The following CTNNA3 variants were observed in gnomAD, a reference collection of about 807,000 sequenced individuals.
CTNNA3 encodes the protein catenin alpha-3.
A neutral mutation model predicts 95.7 loss-of-function variants in CTNNA3; 76 were observed. The observed-to-expected ratio is 0.79, with a 90% CI of 0.66 to 0.96. CTNNA3 has a LOEUF of 0.96. CTNNA3 is among the 40% of genes least tolerant of loss of function. The pLI is 0.00. For synonymous variants in CTNNA3, 431 were observed against 374.4 expected, an observed-to-expected ratio of 1.15 and a Z score of -1.74; for missense variants, 1,191 against 1,089.8, an observed-to-expected ratio of 1.09 and a Z score of -1.31.
intron 13 of CTNNA3, among the ~76,000 whole-genome samples, chr10:66,243,425 C>A (rs1272056592): frequency 6.6e-6 from 1 of 152,190 alleles, no homozygotes. Flanking sequence ...CTGGAAACTT[C>A]ATATGCATAA....
chr10:66,668,519 A>G (rs953181472), intron 9 of CTNNA3, among the ~76,000 whole-genome samples: 1 of 151,930 alleles, frequency 6.6e-6, no homozygotes, highest in Non-Finnish European at 1.5e-5. Flanking sequence ...AATCTTATAT[A>G]TAAAATATAT....
intron 12 of CTNNA3, among the ~76,000 whole-genome samples, chr10:66,364,977 T>G (rs1466038127): frequency 6.6e-6 from 1 of 152,146 alleles, no homozygotes; most frequent in African/African-American, 2.4e-5. Context: ...TAAGGATCCC[T>G]GGTAAGATGT....
intron 3 of CTNNA3, among the ~76,000 whole-genome samples, chr10:67,542,263 A>AC (rs917185096): frequency 5.3e-5 from 8 of 151,484 alleles, no homozygotes; most frequent in African/African-American, 1.2e-4. Flanking sequence ...GGAAGCTTGG[A>AC]CCCCCCATTA....
In CTNNA3 at chr10:67,553,871, T is replaced by C. The variant is rs201136849; in HGVS notation, c.293-14202A>G. 9.2e-5 allele frequency among the ~76,000 whole-genome samples: 14 copies of C among 152,250 alleles called. No homozygotes were observed. The East Asian group carries it at 1.5e-3, about 17-fold the overall frequency. On this transcript the variant is annotated intron_variant, in intron 3 of 17. Coordinates refer to ENST00000433211, the MANE Select transcript of CTNNA3 (RefSeq NM_013266.4). ...GTGTGCTGCACCCATTAACTCATCATTTACATTAGGTATATCTCCTAATGC... is the reference window on the plus strand; with the variant it reads ...GTGTGCTGCACCCATTAACTCATCACTTACATTAGGTATATCTCCTAATGC...
At chr10:67,000,281 C>T (rs972224347) in intron 7 of CTNNA3, among the ~76,000 whole-genome samples, 2 of 152,156 alleles carry the variant, frequency 1.3e-5, no homozygotes, top group African/African-American at 4.8e-5. Context: ...ACTCCTCTTA[C>T]ATAAATAATT....
intron 7 of CTNNA3, among the ~76,000 whole-genome samples, chr10:67,173,036 T>A (rs1279035464): frequency 6.6e-6 from 1 of 152,038 alleles, no homozygotes; most frequent in Non-Finnish European, 1.5e-5. Flanking sequence ...CTCCTAATAA[T>A]TTTCTAAACA....
intron 1 of CTNNA3, among the ~76,000 whole-genome samples, chr10:67,703,661 C>T (rs1841059120): frequency 6.6e-6 from 1 of 152,140 alleles, no homozygotes; most frequent in Non-Finnish European, 1.5e-5. Flanking sequence ...AGACCCACAG[C>T]CAATATCATA....
intron 10 of CTNNA3, among the ~76,000 whole-genome samples, chr10:66,555,277 T>G (rs1842354964): frequency 6.6e-6 from 1 of 152,148 alleles, no homozygotes; most frequent in Non-Finnish European, 1.5e-5. Flanking sequence ...TTCAAATTCT[T>G]GAGATGTTGC....
At chr10:66,820,603 A>G (rs1223897565) in intron 7 of CTNNA3, among the ~76,000 whole-genome samples, 1 of 151,740 alleles carries the variant, frequency 6.6e-6, no homozygotes, top group East Asian at 2.0e-4. Context: ...AGACTGAGAG[A>G]AAAGTATATG....
At chr10:66,670,183 A>G (rs771251288) in intron 9 of CTNNA3, among the ~76,000 whole-genome samples, 52 of 152,252 alleles carry the variant, frequency 3.4e-4, no homozygotes, top group Middle Eastern at 6.8e-3. Context: ...TTGTTGCCAT[A>G]ACAAATTACC....
At chr10:66,081,181 G>C (rs946653886) in intron 14 of CTNNA3, among the ~76,000 whole-genome samples, 3 of 152,164 alleles carry the variant, frequency 2.0e-5, no homozygotes, top group African/African-American at 4.8e-5. Flanking sequence ...TGATGTAAGT[G>C]TTTGCTTGCC....
chr10:66,074,928 T>C (rs1442719306), intron 14 of CTNNA3, among the ~76,000 whole-genome samples: 1 of 151,850 alleles, frequency 6.6e-6, no homozygotes, highest in Non-Finnish European at 1.5e-5. Flanking sequence ...ACAGAAATAC[T>C]CAAGAGCTAA....
At chr10:67,372,675 C>G (rs976824415) in intron 5 of CTNNA3, among the ~76,000 whole-genome samples, 1 of 152,084 alleles carries the variant, frequency 6.6e-6, no homozygotes, top group Non-Finnish European at 1.5e-5. Flanking sequence ...ACATAATTGT[C>G]AGATTCACCA....
At chr10:66,915,192 GAA>G (rs1158486629) in intron 7 of CTNNA3, among the ~76,000 whole-genome samples, 4 of 90,234 alleles carry the variant, frequency 4.4e-5, no homozygotes, top group African/African-American at 1.1e-4. Flanking sequence ...AAAAACTAAC[GAA>G]AAAAAAAAAA....
At chr10:66,675,404 C>T (rs1428365007) in intron 9 of CTNNA3, among the ~76,000 whole-genome samples, 2 of 151,938 alleles carry the variant, frequency 1.3e-5, no homozygotes, top group Non-Finnish European at 1.5e-5. Flanking sequence ...GGTTTAACTT[C>T]CCATCCTAAA....
chr10:67,657,847 C>CAAAA (rs200763142), intron 1 of CTNNA3, among the ~76,000 whole-genome samples: 5 of 40,300 alleles, frequency 1.2e-4, no homozygotes, highest in East Asian at 2.8e-4. Context: ...AATTCCATCT[C>CAAAA]AAAAAAAAAA....
chr10:67,426,488 G>A (rs185172072), intron 5 of CTNNA3, among the ~76,000 whole-genome samples: 37 of 152,198 alleles, frequency 2.4e-4, no homozygotes, highest in Non-Finnish European at 4.3e-4. Context: ...GGTAAAGGAT[G>A]AGTTCATGTC....
At chr10:67,212,962 T>TG (rs201908979) in intron 6 of CTNNA3, among the ~76,000 whole-genome samples, 6,556 of 151,980 alleles carry the variant, frequency 0.043, 179 homozygotes, top group South Asian at 0.088. Flanking sequence ...TATAATGGAT[T>TG]GAGAGCTACT....
intron 2 of CTNNA3, among the ~76,000 whole-genome samples, chr10:67,636,455 CTG>C (rs1839315533): frequency 6.6e-6 from 1 of 152,170 alleles, no homozygotes; most frequent in African/African-American, 2.4e-5. Flanking sequence ...CAGCATGGTA[CTG>C]GTATAAAAAC....
Sources: allele counts gnomAD v4.1 joint callset (sites outside exome capture counted in the v4.1 genomes callset), GRCh38; gene constraint gnomAD v4.1.1; transcripts MANE v1.5; gene names NCBI Gene and HGNC (gene_info 2026-07-23, HGNC 2026-07-21).